Variants in PRR5L observed in about 807,000 individuals in gnomAD.
PRR5L encodes the protein proline-rich protein 5-like.
Under a neutral mutation model 36.4 loss-of-function variants are expected in PRR5L, and 21 were observed. The ratio of observed to expected loss-of-function variants is 0.58; its 90% confidence interval spans 0.41 to 0.83. PRR5L has a LOEUF of 0.83. Among genes scored for constraint, PRR5L ranks in the 40% least tolerant of loss-of-function variants. The pLI, the probability that PRR5L is intolerant of heterozygous loss-of-function variation, is 0.00. For missense variants in PRR5L, 381 were observed against 473.3 expected (o/e 0.80, Z 1.81); for synonymous variants, 188 against 197.0 (o/e 0.95, Z 0.38).
intron 1 of PRR5L, among the ~76,000 whole-genome samples, chr11:36,365,882 G>C (rs1484167468): frequency 6.6e-6 from 1 of 152,200 alleles, no homozygotes; most frequent in Non-Finnish European, 1.5e-5. Context: ...CCATCCACCT[G>C]GCTGGCGTGT....
At chr11:36,422,521 T>C (rs1277518169) in intron 4 of PRR5L, among the ~76,000 whole-genome samples, 3 of 152,230 alleles carry the variant, frequency 2.0e-5, no homozygotes, top group Non-Finnish European at 4.4e-5. Context: ...CAGTCAAGTC[T>C]GTCTCCTCAC....
intron 3 of PRR5L, among the ~76,000 whole-genome samples, chr11:36,414,718 T>G (rs1208439014): frequency 6.8e-6 from 1 of 147,912 alleles, no homozygotes; most frequent in Non-Finnish European, 1.5e-5. Flanking sequence ...TTAGTTTAAT[T>G]AGATCCCATT....
intron 1 of PRR5L, among the ~76,000 whole-genome samples, chr11:36,335,612 G>A (rs956053793): frequency 6.6e-6 from 1 of 152,176 alleles, no homozygotes; most frequent in African/African-American, 2.4e-5. Context: ...AACTGGAGAA[G>A]TAGGGCTCTA....
intron 5 of PRR5L, among the ~76,000 whole-genome samples, chr11:36,436,680 A>G (rs1045458236): frequency 6.6e-6 from 1 of 152,202 alleles, no homozygotes; most frequent in Non-Finnish European, 1.5e-5. Context: ...AAAACAAAAC[A>G]GTATATAGCT....
At chr11:36,339,846 T>C (rs182542518) in intron 1 of PRR5L, among the ~76,000 whole-genome samples, 1 of 152,346 alleles carries the variant, frequency 6.6e-6, no homozygotes, top group Admixed American at 6.5e-5. Flanking sequence ...TAGGAAGCTT[T>C]CTTGGGCTGG....
chr11:36,308,711 G>A (rs1856460722), intron 1 of PRR5L, among the ~76,000 whole-genome samples: 1 of 152,178 alleles, frequency 6.6e-6, no homozygotes, highest in South Asian at 2.1e-4. Flanking sequence ...TACACTTCCT[G>A]AGTCACTGAC....
At chr11:36,364,322 C>A (rs1490033366) in intron 1 of PRR5L, among the ~76,000 whole-genome samples, 1 of 152,104 alleles carries the variant, frequency 6.6e-6, no homozygotes, top group Non-Finnish European at 1.5e-5. Context: ...TGCCTTTGTC[C>A]TTTCCTTCTC....
At chr11:36,328,726 G>T (rs1348900890) in intron 1 of PRR5L, among the ~76,000 whole-genome samples, 3 of 152,154 alleles carry the variant, frequency 2.0e-5, no homozygotes, top group Non-Finnish European at 4.4e-5. Context: ...TTCCTGGGTT[G>T]CAAAACTCCC....
intron 1 of PRR5L, among the ~76,000 whole-genome samples, chr11:36,355,793 T>C (rs1462716101): frequency 2.0e-5 from 3 of 151,978 alleles, no homozygotes; most frequent in African/African-American, 7.3e-5. Context: ...GAACTCCTGA[T>C]CTCAGGTGAT....
chr11:36,410,440 T>C (rs974374810), intron 3 of PRR5L, among the ~76,000 whole-genome samples: 8 of 152,258 alleles, frequency 5.3e-5, no homozygotes, highest in South Asian at 4.1e-4. Flanking sequence ...TACCACTGCC[T>C]GATTAGGTTG....
chr11:36,402,391 G>A (rs1259154808), intron 2 of PRR5L, among the ~76,000 whole-genome samples: 1 of 152,046 alleles, frequency 6.6e-6, no homozygotes, highest in African/African-American at 2.4e-5. Context: ...TTACAAGTGC[G>A]TGCCACCACA....
chr11:36,391,759 T>C (rs1014342936), intron 1 of PRR5L, among the ~76,000 whole-genome samples: 1 of 152,240 alleles, frequency 6.6e-6, no homozygotes, highest in Non-Finnish European at 1.5e-5. Flanking sequence ...AGGCATGCAA[T>C]GCATAATAAT....
At chr11:36,357,048 T>C (rs961411243) in intron 1 of PRR5L, among the ~76,000 whole-genome samples, 1 of 152,198 alleles carries the variant, frequency 6.6e-6, no homozygotes, top group Non-Finnish European at 1.5e-5. Context: ...TTAAAAGTGC[T>C]ACTCCAGTGA....
In PRR5L at chr11:36,454,311, T is replaced by G. The variant is rs148289440; in HGVS notation, c.712+2976T>G. On this transcript the variant is annotated intron_variant, in intron 8 of 8. Transcript: ENST00000530639. ...CCCATGTCTCTGGATACTAAGAAGC[T>G]AAAATGGTCACAGCAGTGCCCATCC... Among the ~76,000 whole-genome samples the G allele has an allele frequency of 5.3e-3, 805 of 152,210 alleles. 5 individuals carry two copies. The highest frequency in any genetic ancestry group is 9.5e-3 in the Non-Finnish European group (649 of 67,992).
chr11:36,298,379 T>C (rs1856336333), intron 1 of PRR5L, among the ~76,000 whole-genome samples: 1 of 152,190 alleles, frequency 6.6e-6, no homozygotes, highest in Admixed American at 6.5e-5. Context: ...CACCACAGTG[T>C]AGAATCAGTG....
Position 36,403,316 on chromosome 11 carries a change from C to G in PRR5L, c.183C>G (p.Ile61Met). ...CCTGTAGCGTTCAGACTGCTGTGAT[C>G]AACGTTTTCAAAGGGGGTGGCTTGC... ...SAWNSVQTAV[I>M]NVFKGGGLQS... is the part of the protein sequence containing the mutation. The change falls in exon 3 of 9, where the codon ATC becomes ATG. Residue 61 changes from isoleucine (I) to methionine (M), a missense_variant. By Grantham distance (10) the Ile-to-Met change is conservative. Coordinates refer to ENST00000530639, the MANE Select transcript of PRR5L (RefSeq NM_001160167.2). The G allele has an allele frequency of 6.2e-7, 1 of 1,614,112 alleles. No homozygotes were observed. Among genetic ancestry groups the G allele is most frequent in the Non-Finnish European group, 8.5e-7 (1 of 1,179,992 alleles).
intron 4 of PRR5L, among the ~76,000 whole-genome samples, chr11:36,428,042 G>A (rs1858418273): frequency 6.6e-6 from 1 of 152,206 alleles, no homozygotes. Context: ...GGGAGTGCAG[G>A]ATGGCTGGCA....
chr11:36,420,091 C>T (rs758127810), intron 4 of PRR5L, among the ~76,000 whole-genome samples: 1 of 152,144 alleles, frequency 6.6e-6, no homozygotes. Flanking sequence ...TAACCAAAGG[C>T]ATATGGTGGA....
At chr11:36,306,886 G>T (rs1019189910) in intron 1 of PRR5L, among the ~76,000 whole-genome samples, 5 of 149,666 alleles carry the variant, frequency 3.3e-5, no homozygotes, top group Non-Finnish European at 6.0e-5. Context: ...CTAAAAAAAA[G>T]AACATGTAAT....
Sources: allele counts gnomAD v4.1 joint callset (sites outside exome capture counted in the v4.1 genomes callset), GRCh38; gene constraint gnomAD v4.1.1; transcripts MANE v1.5; gene names NCBI Gene and HGNC (gene_info 2026-07-23, HGNC 2026-07-21).